The following TENM2 variants were observed in gnomAD, a reference collection of about 807,000 sequenced individuals.
TENM2 encodes the protein teneurin-2.
A neutral mutation model predicts 245.2 loss-of-function variants in TENM2; 52 were observed. The observed-to-expected ratio is 0.21, with a 90% CI of 0.17 to 0.27. TENM2 has a LOEUF of 0.27. TENM2 is among the 10% of genes least tolerant of loss of function. TENM2 has a pLI of 1.00. For synonymous variants in TENM2, 1,363 were observed against 1,438.9 expected, an observed-to-expected ratio of 0.95 and a Z score of 1.19; for missense variants, 3,046 against 3,666.8, an observed-to-expected ratio of 0.83 and a Z score of 4.37.
chr5:168,262,767 G>C, exon 29 of TENM2: 3 of 1,609,604 alleles, frequency 1.9e-6, no homozygotes, highest in Non-Finnish European at 2.5e-6. Context: ...GACAGTAGCA[G>C]CAACATCCAG....
intron 2 of TENM2, among the ~76,000 whole-genome samples, chr5:167,833,297 A>T (rs575946849): frequency 6.6e-6 from 1 of 152,200 alleles, no homozygotes; most frequent in East Asian, 1.9e-4. Flanking sequence ...TTACTTTAGG[A>T]GTCAGTTACA....
At chr5:167,933,328 G>T (rs934425141) in intron 3 of TENM2, among the ~76,000 whole-genome samples, 1 of 152,146 alleles carries the variant, frequency 6.6e-6, no homozygotes, top group African/African-American at 2.4e-5. Context: ...AGCAAAAATG[G>T]TAAGGAGTGT....
the TENM2 span, among the ~76,000 whole-genome samples, chr5:167,093,506 C>G: frequency 6.6e-6 from 1 of 152,166 alleles, no homozygotes; most frequent in South Asian, 2.1e-4. Flanking sequence ...AATTTGGCAA[C>G]AAAAGTCATA....
chr5:167,628,179 T>C, intron 2 of TENM2, among the ~76,000 whole-genome samples: 1 of 152,200 alleles, frequency 6.6e-6, no homozygotes, highest in South Asian at 2.1e-4. Flanking sequence ...CTCCTGGCAC[T>C]GTATTCAGGT....
At chr5:168,109,769 G>A (rs79673442) in intron 9 of TENM2, among the ~76,000 whole-genome samples, 4,064 of 152,284 alleles carry the variant, frequency 0.027, 181 homozygotes, top group African/African-American at 0.092. Context: ...ACTGCCCAAA[G>A]AGAACAGAGA....
At chr5:167,124,798 G>T in the TENM2 span, among the ~76,000 whole-genome samples, 2 of 151,790 alleles carry the variant, frequency 1.3e-5, no homozygotes, top group Non-Finnish European at 2.9e-5. Context: ...ATAAATAGTT[G>T]GTTTCTCCAT....
At chr5:167,560,249 C>T (rs1437452809) in intron 2 of TENM2, among the ~76,000 whole-genome samples, 2 of 152,154 alleles carry the variant, frequency 1.3e-5, no homozygotes, top group East Asian at 1.9e-4. Context: ...GGCTGTGGTC[C>T]CAGAGCACTC....
At chr5:167,914,860 G>A (rs770183941) in intron 3 of TENM2, among the ~76,000 whole-genome samples, 8 of 152,066 alleles carry the variant, frequency 5.3e-5, no homozygotes, top group Admixed American at 1.3e-4. Context: ...GCATCTTTAC[G>A]TGGCTGTCTT....
rs757007899 is a variant in TENM2 at position 167,555,875 on chromosome 5, C to T, written c.502+180402C>T. ...TCGAGCCTTTTCAAATTCCATAAGG[C>T]GACAAAGAAACTTCAACGACATGAT... On this transcript the variant is annotated intron_variant, in intron 2 of 28. Transcript: ENST00000518659. Among the ~76,000 whole-genome samples the T allele has an allele frequency of 3.3e-5, 5 of 152,036 alleles. No individual in the cohort carries two copies. The East Asian group carries it at 5.8e-4, about 18-fold the overall frequency.
At chr5:167,396,712 A>G (rs1762074374) in intron 2 of TENM2, among the ~76,000 whole-genome samples, 1 of 152,196 alleles carries the variant, frequency 6.6e-6, no homozygotes, top group African/African-American at 2.4e-5. Context: ...TAGTGTCCTT[A>G]GGAAGAACAA....
At chr5:167,225,759 A>G in the TENM2 span, among the ~76,000 whole-genome samples, 11 of 151,808 alleles carry the variant, frequency 7.2e-5, no homozygotes, top group Non-Finnish European at 1.6e-4. Context: ...TTCTTTATTC[A>G]TTTGGTAGAA....
intron 2 of TENM2, among the ~76,000 whole-genome samples, chr5:167,395,097 TAAC>T (rs2127372632): frequency 6.6e-6 from 1 of 151,794 alleles, no homozygotes; most frequent in East Asian, 2.0e-4. Flanking sequence ...ATGGACATTT[TAAC>T]AACATTAAGT....
At chr5:167,516,717 G>A (rs1484664484) in intron 2 of TENM2, among the ~76,000 whole-genome samples, 1 of 152,070 alleles carries the variant, frequency 6.6e-6, no homozygotes, top group African/African-American at 2.4e-5. Context: ...CTGCTATTTT[G>A]TCTTTAAGAC....
intron 5 of TENM2, among the ~76,000 whole-genome samples, chr5:167,999,553 C>T (rs929719567): frequency 1.3e-5 from 2 of 152,194 alleles, no homozygotes; most frequent in Non-Finnish European, 2.9e-5. Context: ...AGCTAGGTCT[C>T]CATCACCTAG....
intron 3 of TENM2, among the ~76,000 whole-genome samples, chr5:167,912,247 A>G (rs1776609031): frequency 6.6e-6 from 1 of 151,810 alleles, no homozygotes; most frequent in South Asian, 2.1e-4. Flanking sequence ...GAGGGGTGGT[A>G]TTCGTCTTTC....
chr5:167,847,170 C>G (rs1770122215), intron 2 of TENM2, among the ~76,000 whole-genome samples: 1 of 152,198 alleles, frequency 6.6e-6, no homozygotes, highest in African/African-American at 2.4e-5. Flanking sequence ...CCAAGTTGAT[C>G]TTGAACTCCT....
rs150253395 is a variant in TENM2 at position 167,995,956 on chromosome 5, T to A, written c.1186+2774T>A. On this transcript the variant is annotated intron_variant, in intron 5 of 28. Transcript: ENST00000518659. The stretch of plus-strand genomic sequence containing the variant: ...GAGACCGGCGCTTTTAAGGGCTGAG[T>A]CCATTCTGGTTCACACATGACTCTG... Among the ~76,000 whole-genome samples the A allele has an allele frequency of 6.4e-4, 98 of 152,076 alleles. 1 individual carries two copies. The East Asian group carries it at 0.018, about 28-fold the overall frequency.
intron 2 of TENM2, among the ~76,000 whole-genome samples, chr5:167,832,560 T>C (rs528291884): frequency 6.6e-6 from 1 of 152,256 alleles, no homozygotes; most frequent in South Asian, 2.1e-4. Flanking sequence ...TGTCTGTGCA[T>C]GTTAGCATAT....
chr5:167,528,682 G>A (rs949817759), intron 2 of TENM2, among the ~76,000 whole-genome samples: 2 of 152,100 alleles, frequency 1.3e-5, no homozygotes, highest in African/African-American at 4.8e-5. Context: ...ACTGTACGGT[G>A]CTTAGCAAAG....
Sources: allele counts gnomAD v4.1 joint callset (sites outside exome capture counted in the v4.1 genomes callset), GRCh38; gene constraint gnomAD v4.1.1; transcripts MANE v1.5; gene names NCBI Gene and HGNC (gene_info 2026-07-23, HGNC 2026-07-21).